Variants in PAIP2B observed in about 807,000 individuals in gnomAD.
PAIP2B encodes poly(A) binding protein interacting protein 2B.
Under a neutral mutation model 17.0 loss-of-function variants are expected in PAIP2B, and 13 were observed. The ratio of observed to expected loss-of-function variants is 0.76; its 90% CI spans 0.50 to 1.22. The LOEUF is 1.22. PAIP2B is among the 50% of genes most tolerant of loss of function. PAIP2B has a pLI of 0.00. For synonymous variants in PAIP2B, 43 were observed against 48.7 expected (o/e 0.88, Z 0.48); for missense variants, 117 against 144.5 (o/e 0.81, Z 0.98).
chr2:71,226,062 C>T (rs1021917408), intron 1 of PAIP2B, among the ~76,000 whole-genome samples: 3 of 152,194 alleles, frequency 2.0e-5, no homozygotes, highest in African/African-American at 7.2e-5. Context: ...AAATCCCTTG[C>T]TTCTAGTTAG....
intron 2 of PAIP2B, among the ~76,000 whole-genome samples, chr2:71,192,256 T>TAC (rs1018666103): frequency 2.2e-5 from 3 of 134,386 alleles, no homozygotes; most frequent in Non-Finnish European, 4.7e-5. Context: ...GCTTCATAGA[T>TAC]ACTGCATTTT....
chr2:71,217,756 A>G (rs1480774077), intron 1 of PAIP2B, among the ~76,000 whole-genome samples: 1 of 152,178 alleles, frequency 6.6e-6, no homozygotes, highest in East Asian at 1.9e-4. Flanking sequence ...AGATACCAAG[A>G]ACACCACTAG....
chr2:71,202,293 G>A (rs1350138086), intron 2 of PAIP2B, among the ~76,000 whole-genome samples, 159 bp downstream of exon 2: 1 of 152,194 alleles, frequency 6.6e-6, no homozygotes, highest in Non-Finnish European at 1.5e-5. Flanking sequence ...AGATGAAGAT[G>A]TTTCTTGGTC....
Position 71,186,059 on chromosome 2 carries a change from A to G in PAIP2B, c.*2420T>C, listed in dbSNP as rs1674527204. The stretch of plus-strand genomic sequence containing the variant: ...TTCAACATCAAAATTACCCCTTATA[A>G]ATACAAGTCTTACCATTAAAGGGTA... On this transcript the variant is annotated 3_prime_UTR_variant, in exon 4 of 4. Coordinates refer to ENST00000244221, the MANE Select transcript of PAIP2B (RefSeq NM_020459.1). 6.6e-6 allele frequency: 1 copy of G among 152,204 alleles called. No individual in the cohort carries two copies. Among genetic ancestry groups the G allele is most frequent in the Non-Finnish European group, 1.5e-5 (1 of 68,048 alleles). The allele number at this position is 152,204 out of a possible 1,614,324, so 9.4% of individuals were successfully genotyped here. A position where few individuals can be genotyped will look rare whatever the true frequency, so the allele number is the denominator to read the frequency against.
chr2:71,202,157 TG>T (rs1675001616), intron 2 of PAIP2B, among the ~76,000 whole-genome samples: 1 of 152,216 alleles, frequency 6.6e-6, no homozygotes. Context: ...TGGTTAAACA[TG>T]GGCTCTCACG....
chr2:71,206,000 G>C (rs1432064837), intron 1 of PAIP2B, among the ~76,000 whole-genome samples: 1 of 152,154 alleles, frequency 6.6e-6, no homozygotes, highest in Non-Finnish European at 1.5e-5. Context: ...CTGCAACTTT[G>C]TAAGAGTCTC....
At position 71,208,082 on chromosome 2, in the gene PAIP2B, T is replaced by G. The variant is rs369224586; in HGVS notation, c.-11-5482A>C. Among the ~76,000 whole-genome samples, 7 of 152,074 alleles carry G rather than the reference T, an allele frequency of 4.6e-5. No individual in the cohort carries two copies. In the East Asian group the frequency reaches 1.4e-3, roughly 29 times the overall value. On this transcript the variant is annotated intron_variant, in intron 1 of 3. Coordinates refer to ENST00000244221, the MANE Select transcript of PAIP2B (RefSeq NM_020459.1). ...CCTATGGAGAAAATGCAAAGTGAGA[T>G]GAGAAGAGGGCCCATGACCCAGCAC...
intron 1 of PAIP2B, among the ~76,000 whole-genome samples, chr2:71,217,275 AG>A (rs1311811834): frequency 6.6e-6 from 1 of 152,182 alleles, no homozygotes; most frequent in Non-Finnish European, 1.5e-5. Flanking sequence ...CTGGGATTAC[AG>A]GAGTCCACCA....
intron 1 of PAIP2B, among the ~76,000 whole-genome samples, chr2:71,210,310 A>T (rs1241100087): frequency 6.6e-6 from 1 of 152,230 alleles, no homozygotes; most frequent in African/African-American, 2.4e-5. Flanking sequence ...GACGTACGAC[A>T]TGTATATGAA....
chr2:71,216,481 G>A (rs1675432901), intron 1 of PAIP2B, among the ~76,000 whole-genome samples: 1 of 152,208 alleles, frequency 6.6e-6, no homozygotes, highest in Non-Finnish European at 1.5e-5. Flanking sequence ...TGGGATCAAG[G>A]GTTGAATCTG....
chr2:71,191,987 T>C (rs781624613), intron 2 of PAIP2B, among the ~76,000 whole-genome samples: 4 of 152,208 alleles, frequency 2.6e-5, no homozygotes, highest in Non-Finnish European at 4.4e-5. Context: ...GAGTTCCCAT[T>C]TGAGGCATGC....
chr2:71,209,495 T>G (rs1335064627), intron 1 of PAIP2B, among the ~76,000 whole-genome samples: 1 of 152,178 alleles, frequency 6.6e-6, no homozygotes, highest in Non-Finnish European at 1.5e-5. Context: ...TAGTAAAAGA[T>G]GGTTGCATGG....
intron 2 of PAIP2B, among the ~76,000 whole-genome samples, chr2:71,195,015 C>T (rs1019016355): frequency 6.6e-6 from 1 of 152,220 alleles, no homozygotes; most frequent in Non-Finnish European, 1.5e-5. Flanking sequence ...ATTCTGTTTA[C>T]ATGATGAATC....
At position 71,187,497 on chromosome 2, in the gene PAIP2B, C is replaced by T. The variant is rs1428837534; in HGVS notation, c.*982G>A. The T allele has an allele frequency of 6.6e-6, 1 of 152,046 alleles. No homozygotes were observed. Among genetic ancestry groups the T allele is most frequent in the South Asian group, 2.1e-4 (1 of 4,826 alleles). 9.4% of individuals were successfully genotyped at this position (152,046 alleles called of 1,614,324 possible). On this transcript the variant is annotated 3_prime_UTR_variant, in exon 4 of 4. Transcript: ENST00000244221. The stretch of plus-strand genomic sequence containing the variant: ...TGAAAAATATTTCCTTAAAAAAGTG[C>T]ATAAACTTGTCTGAGGGAATTAAGA...
rs756944343 is a variant in PAIP2B, at chr2:71,185,689, C to T, written c.*2790G>A. The T allele has an allele frequency of 6.6e-6, 1 of 152,072 alleles. No individual in the cohort carries two copies. The highest frequency in any genetic ancestry group is 1.5e-5 in the Non-Finnish European group (1 of 68,018). The allele number at this position is 152,072 out of a possible 1,614,324, so 9.4% of individuals were successfully genotyped here. On this transcript the variant is annotated 3_prime_UTR_variant, in exon 4 of 4. Transcript: ENST00000244221. ...TTTCTGGTTTCACCCTTATGTGATT[C>T]CCAAAACTCAACTATTATTGTCAGA...
chr2:71,216,345 C>T (rs1443916572), intron 1 of PAIP2B, among the ~76,000 whole-genome samples: 1 of 152,166 alleles, frequency 6.6e-6, no homozygotes, highest in African/African-American at 2.4e-5. Flanking sequence ...ATCTCCTGGC[C>T]TCTCTAAGCC....
At position 71,198,584 on chromosome 2, in the gene PAIP2B, C is replaced by T. The variant is rs565446503; in HGVS notation, c.138+3868G>A. The stretch of plus-strand genomic sequence containing the variant: ...ACAGGCGTGAGCCACCGCGCCCAGC[C>T]GCTAATTTTTGTATTTTTAGTAGAG... On this transcript the variant is annotated intron_variant, in intron 2 of 3. Transcript: ENST00000244221. 2.3e-3 allele frequency among the ~76,000 whole-genome samples: 354 copies of T among 151,796 alleles called. 2 individuals carry two copies. The highest frequency in any genetic ancestry group is 6.9e-3 in the South Asian group (33 of 4,802).
intron 1 of PAIP2B, among the ~76,000 whole-genome samples, chr2:71,211,505 C>T (rs1326789459): frequency 6.6e-6 from 1 of 151,630 alleles, no homozygotes; most frequent in African/African-American, 2.4e-5. Context: ...TAGTGACAAC[C>T]TCTACCTGGA....
intron 1 of PAIP2B, among the ~76,000 whole-genome samples, chr2:71,225,262 C>A (rs184420922): frequency 4.6e-4 from 70 of 152,290 alleles, no homozygotes; most frequent in Middle Eastern, 6.8e-3. Flanking sequence ...GTAAAGATTT[C>A]TTTTAATTCA....
Sources: allele counts gnomAD v4.1 joint callset (sites outside exome capture counted in the v4.1 genomes callset), GRCh38; gene constraint gnomAD v4.1.1; transcripts MANE v1.5; gene names NCBI Gene and HGNC (gene_info 2026-07-23, HGNC 2026-07-21).